Variants in FMNL3 observed in about 807,000 individuals in gnomAD.
FMNL3 encodes formin-like protein 3.
In FMNL3, 57 loss-of-function variants were observed where a neutral mutation model predicts 119.6. The ratio of observed to expected loss-of-function variants is 0.48; its 90% CI spans 0.39 to 0.59. The LOEUF is 0.59. Ranked by LOEUF, FMNL3 falls within the 20% of genes least tolerant of loss-of-function variation. FMNL3 has a pLI of 0.00. For missense variants in FMNL3, 1,053 were observed against 1,323.5 expected (o/e 0.80, Z 3.17); for synonymous variants, 491 against 507.3 (o/e 0.97, Z 0.43).
At chr12:49,675,336 A>G (rs1224376379) in intron 1 of FMNL3, among the ~76,000 whole-genome samples, 2 of 151,774 alleles carry the variant, frequency 1.3e-5, no homozygotes, top group African/African-American at 4.8e-5. Flanking sequence ...AGACCCACAC[A>G]CTCCCCAGTT....
chr12:49,641,662 T>C lies in FMNL3; in HGVS notation c.*4153A>G, dbSNP rs1332158673. On this transcript the variant is annotated 3_prime_UTR_variant, in exon 26 of 26. Coordinates refer to ENST00000335154, the MANE Select transcript of FMNL3 (RefSeq NM_175736.5). Reference sequence around the variant, plus strand: ...TTAATTTTGAGAAACTCAGCATTAATCAGCAGTTGGGAGACATCTCCCAAC... The same window carrying C: ...TTAATTTTGAGAAACTCAGCATTAACCAGCAGTTGGGAGACATCTCCCAAC... 1.2e-5 allele frequency: 6 copies of C among 493,644 alleles called. No individual in the cohort carries two copies. The highest frequency in any genetic ancestry group is 9.6e-5 in the African/African-American group (5 of 51,814). The allele number at this position is 493,644 out of a possible 1,614,324, so 30.6% of individuals were successfully genotyped here.
In FMNL3 at chr12:49,637,549, C is replaced by T. The variant is rs1455760587; in HGVS notation, c.*8266G>A. 1.9e-6 allele frequency: 3 copies of T among 1,613,806 alleles called. No individual in the cohort carries two copies. The African/African-American group carries it at 4.0e-5, about 22-fold the overall frequency. Reference sequence around the variant, plus strand: ...ATGGAGCTATATCCAGCAGTCAGCACTGATGTCCGCTTTGCCAACATGCTG... The same window carrying T: ...ATGGAGCTATATCCAGCAGTCAGCATTGATGTCCGCTTTGCCAACATGCTG... On this transcript the variant is annotated 3_prime_UTR_variant, in exon 26 of 26. Coordinates refer to ENST00000335154, the MANE Select transcript of FMNL3 (RefSeq NM_175736.5).
chr12:49,706,293 G>T (rs553233675), intron 1 of FMNL3, among the ~76,000 whole-genome samples: 11 of 152,096 alleles, frequency 7.2e-5, no homozygotes, highest in African/African-American at 2.7e-4. Flanking sequence ...GAAACCCACA[G>T]AAAGACTAAA....
chr12:49,668,218 C>G (rs567934933), intron 2 of FMNL3, among the ~76,000 whole-genome samples: 1 of 152,242 alleles, frequency 6.6e-6, no homozygotes, highest in Non-Finnish European at 1.5e-5. Context: ...CTGATCTACA[C>G]AAATCCCCTT....
In FMNL3 at chr12:49,643,203, G is replaced by C. The variant is rs1565853666; in HGVS notation, c.*2612C>G. The C allele has an allele frequency of 6.2e-7, 1 of 1,613,644 alleles. No individual in the cohort carries two copies. Among genetic ancestry groups the C allele is most frequent in the Non-Finnish European group, 8.5e-7 (1 of 1,179,870 alleles). On this transcript the variant is annotated 3_prime_UTR_variant, in exon 26 of 26. Coordinates refer to ENST00000335154, the MANE Select transcript of FMNL3 (RefSeq NM_175736.5). ...GGGCAGAGAACCTCTGCACTGACAT[G>C]TATCTGCTGATCTGCCCAGGGCTCT... is the stretch of plus-strand genomic sequence containing the variant.
chr12:49,676,520 G>A (rs1444367540), intron 1 of FMNL3, among the ~76,000 whole-genome samples: 1 of 102,998 alleles, frequency 9.7e-6, no homozygotes, highest in East Asian at 3.1e-4. Context: ...TTCATAGTGG[G>A]TTTTTTTTTT....
intron 1 of FMNL3, among the ~76,000 whole-genome samples, chr12:49,699,269 T>C (rs576024724): frequency 6.6e-6 from 1 of 152,314 alleles, no homozygotes; most frequent in Non-Finnish European, 1.5e-5. Flanking sequence ...CATACTTTGG[T>C]GTTGACCACA....
In FMNL3 at chr12:49,644,047, C is replaced by A; in HGVS notation, c.*1768G>T. 2 of 1,614,170 alleles carry A rather than the reference C, an allele frequency of 1.2e-6. No homozygotes were observed. Among genetic ancestry groups the A allele is most frequent in the Non-Finnish European group, 1.7e-6 (2 of 1,180,012 alleles). ...TAGGCCAGTCAGCACGCTGGTCAAGCTTCCACGGCCCTTAGTGCAGGCTAA... is the reference window on the plus strand; with the variant it reads ...TAGGCCAGTCAGCACGCTGGTCAAGATTCCACGGCCCTTAGTGCAGGCTAA... On this transcript the variant is annotated 3_prime_UTR_variant, in exon 26 of 26. Transcript: ENST00000335154.
Position 49,647,816 on chromosome 12 carries a change from G to T in FMNL3, c.2677-12C>A. The T allele has an allele frequency of 6.2e-7, 1 of 1,609,270 alleles. No individual in the cohort carries two copies. Among genetic ancestry groups the T allele is most frequent in the South Asian group, 1.1e-5 (1 of 90,958 alleles). On this transcript the variant is annotated splice_polypyrimidine_tract_variant and intron_variant, in intron 22 of 25. Coordinates refer to ENST00000335154, the MANE Select transcript of FMNL3 (RefSeq NM_175736.5). The surrounding 1 kb of genome is among the most constrained non-coding windows in gnomAD (Gnocchi z 4.9). ...GCATTGTAGGCCTCCTGGGGAAGGG[G>T]TGGGCAGAATGGGTCACCCTGGCAG...
At chr12:49,684,714 C>CTATTGGACCA (rs1944415055) in intron 1 of FMNL3, among the ~76,000 whole-genome samples, 1 of 152,158 alleles carries the variant, frequency 6.6e-6, no homozygotes, top group Non-Finnish European at 1.5e-5. Context: ...TTCATAGCTG[C>CTATTGGACCA]TATTGGACCA....
In FMNL3 at chr12:49,649,561, A is replaced by C. The variant is rs1278323308; in HGVS notation, c.2236-23T>G. 6.2e-7 allele frequency: 1 copy of C among 1,614,126 alleles called. No individual in the cohort carries two copies. The highest frequency in any genetic ancestry group is 8.5e-7 in the Non-Finnish European group (1 of 1,179,998). On this transcript the variant is annotated intron_variant, in intron 18 of 25. Transcript: ENST00000335154. This position sits in a 1 kb window ranked among gnomAD's most constrained non-coding sequence, Gnocchi z 5.6. ...TTGCTGTAGGACAATATGAACACTG[A>C]AGTAACCCCAGGCTGAGATGGGGTA...
At chr12:49,667,652 T>G (rs1415610071) in intron 2 of FMNL3, among the ~76,000 whole-genome samples, 1 of 152,194 alleles carries the variant, frequency 6.6e-6, no homozygotes, top group African/African-American at 2.4e-5. Context: ...GAGGGTTCTG[T>G]GATGATTAAA....
In FMNL3 at chr12:49,647,635, G is replaced by T; in HGVS notation, c.2778+68C>A. 1 of 1,410,156 alleles carries T rather than the reference G, an allele frequency of 7.1e-7. No individual in the cohort carries two copies. The highest frequency in any genetic ancestry group is 1.0e-6 in the Non-Finnish European group (1 of 999,392). 87.4% of individuals were successfully genotyped at this position (1,410,156 alleles called of 1,614,324 possible). A position where few individuals can be genotyped will look rare whatever the true frequency, so the allele number is the denominator to read the frequency against. ...GAGTCGGAAAAGGCCCATACTTTAA[G>T]CCCAGGCTTCTCTCCCCCAGCCAGT... is the stretch of plus-strand genomic sequence containing the variant. On this transcript the variant is annotated intron_variant, in intron 23 of 25. Coordinates refer to ENST00000335154, the MANE Select transcript of FMNL3 (RefSeq NM_175736.5). The surrounding 1 kb of genome is among the most constrained non-coding windows in gnomAD (Gnocchi z 4.9).
Position 49,645,689 on chromosome 12 carries a change from A to C in FMNL3, c.*126T>G, listed in dbSNP as rs1943152008. Reference sequence around the variant, plus strand: ...GGCACAAGTAGAAAGATCCAGCCTCAAGAGCTGGGGCGGACATGGTTGAGA... The same window carrying C: ...GGCACAAGTAGAAAGATCCAGCCTCCAGAGCTGGGGCGGACATGGTTGAGA... On this transcript the variant is annotated 3_prime_UTR_variant, in exon 26 of 26. Transcript: ENST00000335154. 1.4e-5 allele frequency: 11 copies of C among 764,100 alleles called. No homozygotes were observed. The highest frequency in any genetic ancestry group is 1.2e-5 in the Non-Finnish European group (6 of 490,958). 47.3% of individuals were successfully genotyped at this position (764,100 alleles called of 1,614,324 possible).
At position 49,649,077 on chromosome 12, in the gene FMNL3, G is replaced by C; in HGVS notation, c.2467C>G (p.Leu823Val). The stretch of plus-strand genomic sequence containing the variant: ...TGCAGCTCATGCCAGAAGTTAGCCA[G>C]GTCTGGGTATTTCTCCTTCACTGTC... ...ALTVKEKYPDLANFWHELHFV... is the reference protein window; with the variant it reads ...ALTVKEKYPDVANFWHELHFV... Residue 823 changes from leucine to valine, a missense_variant, in exon 21 of 26, where the codon CTG becomes GTG. Coordinates refer to ENST00000335154, the MANE Select transcript of FMNL3 (RefSeq NM_175736.5). This position sits in a 1 kb window ranked among gnomAD's most constrained non-coding sequence, Gnocchi z 5.6. 1 of 1,613,190 alleles carries C rather than the reference G, an allele frequency of 6.2e-7. No individual in the cohort carries two copies. The highest frequency in any genetic ancestry group is 8.5e-7 in the Non-Finnish European group (1 of 1,179,450).
intron 1 of FMNL3, among the ~76,000 whole-genome samples, chr12:49,695,379 AAC>A (rs1333416012): frequency 6.6e-6 from 1 of 152,176 alleles, no homozygotes; most frequent in East Asian, 1.9e-4. Flanking sequence ...TTGTTTTTCC[AAC>A]AGTCCTTTTA....
At chr12:49,704,273 A>T (rs908448869) in intron 1 of FMNL3, among the ~76,000 whole-genome samples, 2 of 152,348 alleles carry the variant, frequency 1.3e-5, no homozygotes, top group East Asian at 3.9e-4. Flanking sequence ...CATAAGCTTA[A>T]CCAGGACACC....
chr12:49,686,118 G>A (rs1944451732), intron 1 of FMNL3, among the ~76,000 whole-genome samples: 1 of 151,828 alleles, frequency 6.6e-6, no homozygotes, highest in Non-Finnish European at 1.5e-5. Flanking sequence ...TTTGGAAGGG[G>A]AGGGTTTGAG....
At chr12:49,697,944 A>AT (rs930916080) in intron 1 of FMNL3, among the ~76,000 whole-genome samples, 7 of 152,006 alleles carry the variant, frequency 4.6e-5, no homozygotes, top group East Asian at 1.9e-4. Flanking sequence ...CCAGAACAAA[A>AT]TTTTTTTTAA....
Sources: gnomAD v4.1 joint callset for allele counts (sites outside exome capture counted in the v4.1 genomes callset) on GRCh38, gnomAD v4.1.1 for gene constraint, Gnocchi (gnomAD v3.1) non-coding constraint, MANE v1.5 for transcripts, NCBI Gene and HGNC (gene_info 2026-07-23, HGNC 2026-07-21) for gene names.